Variants in ADCY1 observed in about 807,000 individuals in gnomAD.
ADCY1 encodes the protein adenylate cyclase type 1.
Under a neutral mutation model 105.4 loss-of-function variants are expected in ADCY1, and 28 were observed. The observed-to-expected ratio is 0.27, with a 90% CI of 0.20 to 0.36. The LOEUF (loss-of-function observed/expected upper bound fraction) is 0.36. Among genes scored for constraint, ADCY1 ranks in the 10% least tolerant of loss-of-function variants. The pLI, the probability that ADCY1 is intolerant of heterozygous loss-of-function variation, is 1.00. For missense variants in ADCY1, 977 were observed against 1,434.2 expected (o/e 0.68, Z 5.15); for synonymous variants, 655 against 623.8 (o/e 1.05, Z -0.75).
chr7:45,659,580 A>C (rs2116113350), intron 6 of ADCY1, among the ~76,000 whole-genome samples: 1 of 152,164 alleles, frequency 6.6e-6, no homozygotes, highest in South Asian at 2.1e-4. Context: ...ACCCCACCTC[A>C]TGTGTGAACA....
chr7:45,614,358 G>A (rs369547097), intron 3 of ADCY1, among the ~76,000 whole-genome samples: 196 of 151,944 alleles, frequency 1.3e-3, no homozygotes, highest in African/African-American at 4.4e-3. Flanking sequence ...AATCACTGAG[G>A]TAACCACAAA....
intron 17 of ADCY1, 55 bp downstream of exon 17, chr7:45,704,671 A>G: frequency 6.9e-7 from 1 of 1,448,140 alleles, no homozygotes. Flanking sequence ...TCTGCCCTAA[A>G]CTGCTCTGGG....
intron 2 of ADCY1, among the ~76,000 whole-genome samples, chr7:45,594,330 C>T (rs907815257): frequency 5.9e-5 from 9 of 152,168 alleles, no homozygotes; most frequent in Admixed American, 5.9e-4. Context: ...CAGAGTCAGT[C>T]ACACAAGGAG....
intron 8 of ADCY1, among the ~76,000 whole-genome samples, chr7:45,673,427 AT>A (rs1784398923): frequency 6.6e-6 from 1 of 152,294 alleles, no homozygotes; most frequent in African/African-American, 2.4e-5. Flanking sequence ...TTTTTCAGGA[AT>A]TTTTAAATTA....
intron 8 of ADCY1, among the ~76,000 whole-genome samples, chr7:45,670,308 G>C (rs1468820349): frequency 6.6e-6 from 1 of 152,164 alleles, no homozygotes; most frequent in African/African-American, 2.4e-5. Context: ...GGCCACTCTC[G>C]TGGATGCCCG....
chr7:45,661,838 C>A (rs544436911), intron 7 of ADCY1, among the ~76,000 whole-genome samples: 32 of 152,274 alleles, frequency 2.1e-4, no homozygotes, highest in African/African-American at 7.2e-4. Context: ...GCCTTTGGTG[C>A]GGATTGAGAA....
chr7:45,618,363 A>C (rs753971458), intron 3 of ADCY1, among the ~76,000 whole-genome samples: 2 of 152,202 alleles, frequency 1.3e-5, no homozygotes, highest in Admixed American at 1.3e-4. Context: ...AATAAGACAA[A>C]AACTAGAGAA....
At chr7:45,640,127 G>A (rs762872377) in intron 4 of ADCY1, among the ~76,000 whole-genome samples, 13 of 152,178 alleles carry the variant, frequency 8.5e-5, no homozygotes, top group Admixed American at 6.5e-5. Flanking sequence ...ATGACAAGGC[G>A]AACATTCATG....
At chr7:45,616,589 C>G (rs1049088871) in intron 3 of ADCY1, among the ~76,000 whole-genome samples, 9 of 152,106 alleles carry the variant, frequency 5.9e-5, no homozygotes, top group Non-Finnish European at 1.2e-4. Context: ...TCAATAGATG[C>G]AGAAAAATAT....
chr7:45,629,702 G>A (rs1218795536), intron 4 of ADCY1, among the ~76,000 whole-genome samples: 2 of 152,102 alleles, frequency 1.3e-5, no homozygotes, highest in Non-Finnish European at 2.9e-5. Flanking sequence ...TGTATTTTTA[G>A]TAGAGACGGG....
chr7:45,709,335 C>A (rs1431878542), intron 18 of ADCY1, among the ~76,000 whole-genome samples: 1 of 152,196 alleles, frequency 6.6e-6, no homozygotes, highest in African/African-American at 2.4e-5. Flanking sequence ...TTTCCAATGA[C>A]AAGACCAGCT....
chr7:45,576,990 AAGAG>A (rs1326059892), intron 1 of ADCY1, among the ~76,000 whole-genome samples: 1 of 152,200 alleles, frequency 6.6e-6, no homozygotes, highest in South Asian at 2.1e-4. Context: ...AAGATTAAAA[AAGAG>A]AGAGGGGAGA....
chr7:45,679,534 T>C lies in ADCY1; in HGVS notation c.1899-175T>C, dbSNP rs553604046. On this transcript the variant is annotated intron_variant, in intron 10 of 19. Coordinates refer to ENST00000297323, the MANE Select transcript of ADCY1 (RefSeq NM_021116.4). ...ACCCCAGATGCCCTGCCCTAAAAAA[T>C]AGAACCAGCCATGTCAGTTCCCAGA... Among the ~76,000 whole-genome samples, 9 of 152,238 alleles carry C rather than the reference T, an allele frequency of 5.9e-5. No homozygotes were observed. In the South Asian group the frequency reaches 1.9e-3, roughly 32 times the overall value.
chr7:45,692,632 A>G (rs901886486), intron 14 of ADCY1, among the ~76,000 whole-genome samples: 10 of 152,172 alleles, frequency 6.6e-5, no homozygotes, highest in African/African-American at 2.4e-4. Context: ...TCAGTTCATA[A>G]TACTGTATTG....
intron 7 of ADCY1, among the ~76,000 whole-genome samples, chr7:45,661,037 G>A (rs1795086469): frequency 6.6e-6 from 1 of 151,760 alleles, no homozygotes. Context: ...CAGGCTCAGG[G>A]GAGGGTCGAT....
rs148760478 is a variant in ADCY1 at position 45,696,816 on chromosome 7, A to C, written c.2455-6560A>C. On this transcript the variant is annotated intron_variant, in intron 14 of 19. Coordinates refer to ENST00000297323, the MANE Select transcript of ADCY1 (RefSeq NM_021116.4). ...CCCAGAAGTTGCTTTCTGCCCACGGAGTGGGCAGAAATGTGCACAGGCTGC... is the reference window on the plus strand; with the variant it reads ...CCCAGAAGTTGCTTTCTGCCCACGGCGTGGGCAGAAATGTGCACAGGCTGC... Among the ~76,000 whole-genome samples the C allele has an allele frequency of 1.4e-3, 216 of 152,266 alleles. 5 individuals carry two copies. In the East Asian group the frequency reaches 0.036, roughly 25 times the overall value.
chr7:45,655,473 A>G (rs1027118804), intron 5 of ADCY1, among the ~76,000 whole-genome samples: 3 of 152,262 alleles, frequency 2.0e-5, no homozygotes, highest in Admixed American at 6.5e-5. Context: ...AAATGAAGTT[A>G]AAGGTTCTGT....
chr7:45,582,465 G>T (rs950099163), intron 1 of ADCY1, among the ~76,000 whole-genome samples: 1 of 152,126 alleles, frequency 6.6e-6, no homozygotes, highest in Non-Finnish European at 1.5e-5. Flanking sequence ...AGCTGTGGAG[G>T]CAGGGACCGG....
At position 45,593,022 on chromosome 7, in the gene ADCY1, A is replaced by G. The variant is rs536921599; in HGVS notation, c.789+114A>G. On this transcript the variant is annotated intron_variant, in intron 2 of 19. Transcript: ENST00000297323. ...CGTGGTGACATGGGCCACAATTCCC[A>G]TTGGTACATGTTGGTATTTGAGGCT... is the stretch of plus-strand genomic sequence containing the variant. 3,032 of 1,406,644 alleles carry G rather than the reference A, an allele frequency of 2.2e-3. 2 individuals are homozygous for G. The highest frequency in any genetic ancestry group is 2.7e-3 in the Non-Finnish European group (2,822 of 1,031,474). The allele number at this position is 1,406,644 out of a possible 1,614,324, so 87.1% of individuals were successfully genotyped here. A position where few individuals can be genotyped will look rare whatever the true frequency, so the allele number is the denominator to read the frequency against.
Sources: allele counts gnomAD v4.1 joint callset (sites outside exome capture counted in the v4.1 genomes callset), GRCh38; gene constraint gnomAD v4.1.1; transcripts MANE v1.5; gene names NCBI Gene and HGNC (gene_info 2026-07-23, HGNC 2026-07-21).